CACNA1A: variants seen among roughly 807,000 people sequenced by gnomAD.
CACNA1A encodes calcium voltage-gated channel subunit alpha1 A, also known as voltage-dependent P/Q-type calcium channel subunit alpha-1A.
A neutral mutation model predicts 262.4 loss-of-function variants in CACNA1A; 57 were observed. The ratio of observed to expected loss-of-function variants is 0.22; its 90% CI spans 0.18 to 0.27. The LOEUF (loss-of-function observed/expected upper bound fraction) is 0.27, where lower values mean the gene tolerates loss of function less well. CACNA1A is among the 10% of genes least tolerant of loss of function. The pLI, the probability that CACNA1A is intolerant of heterozygous loss-of-function variation, is 1.00. For synonymous variants in CACNA1A, 1,431 were observed against 1,419.3 expected (o/e 1.01, Z -0.18); for missense variants, 2,526 against 3,562.8 (o/e 0.71, Z 7.41).
chr19:13,435,398 G>A (rs2060591651), intron 3 of CACNA1A, among the ~76,000 whole-genome samples: 1 of 151,306 alleles, frequency 6.6e-6, no homozygotes, highest in Non-Finnish European at 1.5e-5. Flanking sequence ...AAGCCATCAC[G>A]CCCAGCCCCA....
rs1019935756 is a variant in CACNA1A at position 13,248,993 on chromosome 19, G to A, written c.4867-3728C>T. ...GCTTCTTTTTTGATTTTTAGAGTCC[G>A]GGTCTTGTGTTGTTGCTCAGGCTGG... On this transcript the variant is annotated intron_variant, in intron 30 of 46. Coordinates refer to ENST00000360228, the MANE Select transcript of CACNA1A (RefSeq NM_001127222.2). 1.1e-4 allele frequency among the ~76,000 whole-genome samples: 17 copies of A among 152,168 alleles called. No individual in the cohort carries two copies. In the East Asian group the frequency reaches 2.1e-3, roughly 19 times the overall value.
intron 6 of CACNA1A, among the ~76,000 whole-genome samples, chr19:13,348,941 G>A (rs951864098): frequency 1.3e-5 from 2 of 148,800 alleles, no homozygotes; most frequent in African/African-American, 4.9e-5. Context: ...CCAGGAGATG[G>A]AGGTTGTAGT....
At chr19:13,278,121 T>G (rs1253338969) in intron 22 of CACNA1A, among the ~76,000 whole-genome samples, 1 of 147,920 alleles carries the variant, frequency 6.8e-6, no homozygotes, top group Non-Finnish European at 1.5e-5. Context: ...ACCCAGAAGC[T>G]GCAAGGGCTG....
Position 13,241,390 on chromosome 19 carries a change from G to C in CACNA1A, c.4950+3792C>G, listed in dbSNP as rs951529824. On this transcript the variant is annotated intron_variant, in intron 31 of 46. Coordinates refer to ENST00000360228, the MANE Select transcript of CACNA1A (RefSeq NM_001127222.2). This position sits in a 1 kb window ranked among gnomAD's most constrained non-coding sequence, Gnocchi z 4.0. ...GGCGGGAGGACAGACAGACAGAGGA[G>C]AGCGGAGGGTTGAGGAGAGCGTCAG... The C allele has an allele frequency of 1.4e-6, 1 of 707,078 alleles. No homozygotes were observed. The highest frequency in any genetic ancestry group is 2.6e-6 in the Non-Finnish European group (1 of 389,918). The allele number at this position is 707,078 out of a possible 1,614,324, so 43.8% of individuals were successfully genotyped here. A position where few individuals can be genotyped will look rare whatever the true frequency, so the allele number is the denominator to read the frequency against.
chr19:13,404,028 A>C (rs1189251427), intron 3 of CACNA1A, among the ~76,000 whole-genome samples: 1 of 152,140 alleles, frequency 6.6e-6, no homozygotes, highest in East Asian at 1.9e-4. Context: ...ACCACTCTCC[A>C]GCTGTGTGAT....
intron 1 of CACNA1A, among the ~76,000 whole-genome samples, chr19:13,495,436 A>G (rs6511871): frequency 0.13 from 19,242 of 152,036 alleles, 2,599 homozygotes; most frequent in African/African-American, 0.34. Flanking sequence ...AGCTGGGACT[A>G]CAGGTGCCCG....
chr19:13,482,307 C>T (rs529599855), intron 1 of CACNA1A, among the ~76,000 whole-genome samples: 52 of 151,900 alleles, frequency 3.4e-4, no homozygotes, highest in Admixed American at 1.2e-3. Context: ...AGCAGTGAAA[C>T]CCCGTCTCTA....
intron 12 of CACNA1A, among the ~76,000 whole-genome samples, chr19:13,309,559 G>A (rs1417559534): frequency 6.6e-6 from 1 of 151,830 alleles, no homozygotes; most frequent in East Asian, 2.0e-4. Flanking sequence ...CAAGCATGGT[G>A]GCATGTGCCT....
chr19:13,254,041 T>C (rs2056475717), intron 29 of CACNA1A, among the ~76,000 whole-genome samples: 1 of 152,032 alleles, frequency 6.6e-6, no homozygotes, highest in Admixed American at 6.6e-5. Context: ...GCCCGGCCAC[T>C]ATTGATCGTT....
Position 13,432,103 on chromosome 19 carries a change from C to CAAAAAAAAAAA in CACNA1A, c.539+20762_539+20772dup, listed in dbSNP as rs71170513. 7.5e-4 allele frequency among the ~76,000 whole-genome samples: 48 copies of CAAAAAAAAAAA among 64,394 alleles called. 1 individual carries two copies. Among genetic ancestry groups the CAAAAAAAAAAA allele is most frequent in the African/African-American group, 2.9e-3 (46 of 16,114 alleles). The allele number at this position is 64,394 out of a possible 152,430, so 42.2% of individuals were successfully genotyped here. ...CTAGCAAGAGAGTGAGACTCCGTCTCAAAAAAAAAAAAAAAAAAAAAAATT... is the reference window on the plus strand; with the variant it reads ...CTAGCAAGAGAGTGAGACTCCGTCTCAAAAAAAAAAAAAAAAAAAAAAAAAAAAAAAAAATT... On this transcript the variant is annotated intron_variant, in intron 3 of 46. Coordinates refer to ENST00000360228, the MANE Select transcript of CACNA1A (RefSeq NM_001127222.2).
intron 1 of CACNA1A, among the ~76,000 whole-genome samples, chr19:13,500,436 A>G (rs1982242722): frequency 6.6e-6 from 1 of 152,210 alleles, no homozygotes; most frequent in East Asian, 1.9e-4. Context: ...GCTTTGAATG[A>G]CATCCTTAAT....
chr19:13,268,451 T>G (rs1055290829), intron 24 of CACNA1A, among the ~76,000 whole-genome samples: 10 of 128,474 alleles, frequency 7.8e-5, no homozygotes, highest in Admixed American at 5.5e-4. Context: ...TTTTTTTTTT[T>G]GAAACGGAGT....
At chr19:13,223,584 G>T (rs376786048) in intron 38 of CACNA1A, among the ~76,000 whole-genome samples, 1 of 152,146 alleles carries the variant, frequency 6.6e-6, no homozygotes, top group Non-Finnish European at 1.5e-5. Context: ...CTCAGTGGCC[G>T]GAGGGAACCT....
At chr19:13,360,038 T>TC (rs1294618584) in intron 5 of CACNA1A, among the ~76,000 whole-genome samples, 2 of 151,642 alleles carry the variant, frequency 1.3e-5, no homozygotes, top group Non-Finnish European at 2.9e-5. Flanking sequence ...TTTTTTTTTT[T>TC]CTATTCTTTT....
intron 4 of CACNA1A, among the ~76,000 whole-genome samples, chr19:13,367,844 G>A (rs559908212): frequency 2.0e-5 from 3 of 152,156 alleles, no homozygotes; most frequent in Non-Finnish European, 4.4e-5. Flanking sequence ...GGGACCCCAT[G>A]CAAGCTCTTA....
At chr19:13,210,493 G>T in intron 44 of CACNA1A, 124 bp downstream of exon 44, 1 of 784,308 alleles carries the variant, frequency 1.3e-6, no homozygotes, top group Non-Finnish European at 2.1e-6. Flanking sequence ...AGGGGAGAGG[G>T]TGCGATTGCC....
At chr19:13,257,720 T>C in intron 27 of CACNA1A, 169 bp from the exon 28 acceptor site, 1 of 477,818 alleles carries the variant, frequency 2.1e-6, no homozygotes, top group Non-Finnish European at 3.7e-6. Flanking sequence ...CTGACAACAA[T>C]GTCAGTTATT....
intron 43 of CACNA1A, chr19:13,211,889 C>T (rs572189236): frequency 4.1e-4 from 223 of 540,754 alleles, no homozygotes; most frequent in Non-Finnish European, 4.8e-4. Context: ...GAGCACTTTC[C>T]TCTCTGTCCT....
chr19:13,349,499 G>A lies in CACNA1A; in HGVS notation c.978+10107C>T, dbSNP rs547101992. On this transcript the variant is annotated intron_variant, in intron 6 of 46. Coordinates refer to ENST00000360228, the MANE Select transcript of CACNA1A (RefSeq NM_001127222.2). ...TTCTGAGCCACATGGGGCACATAGG[G>A]TGAGGGGGTCCCTGTGAAATGAGGC... 5.3e-5 allele frequency among the ~76,000 whole-genome samples: 8 copies of A among 152,324 alleles called. No homozygotes were observed. The South Asian group carries it at 1.7e-3, about 32-fold the overall frequency.
Sources: allele counts gnomAD v4.1 joint callset (sites outside exome capture counted in the v4.1 genomes callset), GRCh38; gene constraint gnomAD v4.1.1; non-coding constraint Gnocchi (gnomAD v3.1); transcripts MANE v1.5; gene names NCBI Gene and HGNC (gene_info 2026-07-23, HGNC 2026-07-21).